UNC13C: variants seen among roughly 807,000 people sequenced by gnomAD.
UNC13C encodes the protein unc-13 homolog C.
Under a neutral mutation model 245.4 loss-of-function variants are expected in UNC13C, and 174 were observed. The observed-to-expected ratio is 0.71, with a 90% CI of 0.63 to 0.80. The LOEUF is 0.80. Among genes scored for constraint, UNC13C ranks in the 30% least tolerant of loss-of-function variants. UNC13C has a pLI of 0.00. For synonymous variants in UNC13C, 992 were observed against 895.1 expected (o/e 1.11, Z -1.93); for missense variants, 2,829 against 2,602.9 (o/e 1.09, Z -1.89).
chr15:54,559,165 T>C (rs1467260094), intron 29 of UNC13C, among the ~76,000 whole-genome samples: 1 of 152,052 alleles, frequency 6.6e-6, no homozygotes, highest in African/African-American at 2.4e-5. Flanking sequence ...AAATCTGCAT[T>C]TCTTGGTATA....
chr15:54,318,811 A>G (rs2038076094), intron 13 of UNC13C, among the ~76,000 whole-genome samples: 1 of 151,850 alleles, frequency 6.6e-6, no homozygotes, highest in Non-Finnish European at 1.5e-5. Context: ...TTTTGAGGTC[A>G]TATCAAAAAA....
At chr15:54,261,417 T>A (rs898498346) in intron 8 of UNC13C, among the ~76,000 whole-genome samples, 1 of 152,220 alleles carries the variant, frequency 6.6e-6, no homozygotes, top group Non-Finnish European at 1.5e-5. Context: ...TACTTGTAAA[T>A]CAGTGACAAA....
At chr15:53,872,679 A>T in the UNC13C span, among the ~76,000 whole-genome samples, 9 of 152,088 alleles carry the variant, frequency 5.9e-5, no homozygotes. Context: ...ATTAATTCTC[A>T]TAGGGGCCTG....
the UNC13C span, among the ~76,000 whole-genome samples, chr15:53,910,010 A>G: frequency 7.4e-6 from 1 of 135,788 alleles, no homozygotes; most frequent in Admixed American, 7.6e-5. Flanking sequence ...TTTTTTTTTT[A>G]ATTTGCCTTG....
intron 2 of UNC13C, among the ~76,000 whole-genome samples, chr15:54,076,562 T>G (rs1406571861): frequency 6.6e-6 from 1 of 152,162 alleles, no homozygotes; most frequent in African/African-American, 2.4e-5. Flanking sequence ...TTTTTTAAAG[T>G]GTTTACAGTT....
At chr15:54,539,116 G>A (rs1896126789) in intron 26 of UNC13C, among the ~76,000 whole-genome samples, 1 of 151,958 alleles carries the variant, frequency 6.6e-6, no homozygotes, top group Admixed American at 6.6e-5. Context: ...TATTTAAATA[G>A]GTAAGGATAA....
Position 54,627,500 on chromosome 15 carries a change from T to TTTAC in UNC13C, c.*392_*395dup, listed in dbSNP as rs1271170087. 27 of 160,706 alleles carry TTTAC rather than the reference T, an allele frequency of 1.7e-4. No individual in the cohort carries two copies. The East Asian group carries it at 2.0e-3, about 12-fold the overall frequency. 10.0% of individuals were successfully genotyped at this position (160,706 alleles called of 1,614,324 possible). ...CATTTATTACTCAATTTCCATTTTA[T>TTTAC]TTACTTACCTCATTATAGATGTCTT... On this transcript the variant is annotated 3_prime_UTR_variant, in exon 33 of 33. Coordinates refer to ENST00000260323, the MANE Select transcript of UNC13C (RefSeq NM_001080534.3).
Position 54,094,105 on chromosome 15 carries a change from C to A in UNC13C, c.2984-48913C>A, listed in dbSNP as rs1160786013. Among the ~76,000 whole-genome samples, 6 of 152,130 alleles carry A rather than the reference C, an allele frequency of 3.9e-5. No individual in the cohort carries two copies. The East Asian group carries it at 1.2e-3, about 29-fold the overall frequency. Reference sequence around the variant, plus strand: ...CTGAGTGGAGGCAGCAATGCAAAGGCAGACCTGTTTCTTGGTGACATGGAG... The same window carrying A: ...CTGAGTGGAGGCAGCAATGCAAAGGAAGACCTGTTTCTTGGTGACATGGAG... On this transcript the variant is annotated intron_variant, in intron 2 of 32. Coordinates refer to ENST00000260323, the MANE Select transcript of UNC13C (RefSeq NM_001080534.3).
chr15:54,341,285 ATGAAATAATG>A (rs975139682), intron 17 of UNC13C, among the ~76,000 whole-genome samples: 1 of 152,216 alleles, frequency 6.6e-6, no homozygotes, highest in Non-Finnish European at 1.5e-5. Flanking sequence ...ATCAAAAAGA[ATGAAATAATG>A]TCCTTTGCAG....
At chr15:54,075,416 G>A (rs573797101) in intron 2 of UNC13C, among the ~76,000 whole-genome samples, 32 of 78,364 alleles carry the variant, frequency 4.1e-4, no homozygotes, top group Admixed American at 3.3e-3. Context: ...ACCTGAAGGC[G>A]GAGCTTGCAG....
rs754974038 is a variant in UNC13C, at chr15:54,250,236, C to T, written c.3240C>T (p.Val1080=). 1.9e-6 allele frequency: 3 copies of T among 1,613,800 alleles called. No individual in the cohort carries two copies. The highest frequency in any genetic ancestry group is 2.7e-5 in the African/African-American group (2 of 74,898). ...TCTCATGTTCACAGAAAATGCACGT[C>T]TTCAAGAAGACCTTGCAGGCACTGA... ...SLNNEELKMH[V]FKKTLQALIY... The change falls in exon 8 of 33, where the codon GTC becomes GTT. Residue 1080 remains valine, a synonymous_variant. Coordinates refer to ENST00000260323, the MANE Select transcript of UNC13C (RefSeq NM_001080534.3).
At chr15:54,555,315 C>T in intron 28 of UNC13C, 117 bp from the exon 29 acceptor site, 1 of 729,688 alleles carries the variant, frequency 1.4e-6, no homozygotes. Flanking sequence ...CATTCAGGTG[C>T]AGAAGATATT....
chr15:54,357,870 G>A lies in UNC13C; in HGVS notation c.4713+19381G>A, dbSNP rs557801871. 6.6e-5 allele frequency among the ~76,000 whole-genome samples: 10 copies of A among 151,974 alleles called. No homozygotes were observed. The South Asian group carries it at 2.1e-3, about 32-fold the overall frequency. ...CACATATATGTGTGTGTGTATTTATGTAAACCATTATTTTATATGTGTTTG... is the reference window on the plus strand; with the variant it reads ...CACATATATGTGTGTGTGTATTTATATAAACCATTATTTTATATGTGTTTG... On this transcript the variant is annotated intron_variant, in intron 17 of 32. Transcript: ENST00000260323.
At chr15:53,960,544 C>T in the UNC13C span, among the ~76,000 whole-genome samples, 1 of 151,802 alleles carries the variant, frequency 6.6e-6, no homozygotes, top group African/African-American at 2.4e-5. Context: ...TGAATTATGA[C>T]AAAAATAAAA....
In UNC13C at chr15:54,384,555, C is replaced by G. The variant is rs536325330; in HGVS notation, c.4714-8493C>G. On this transcript the variant is annotated intron_variant, in intron 17 of 32. Transcript: ENST00000260323. Reference sequence around the variant, plus strand: ...AAATTATAAAACTACTAGAAGAAAACAGAGGGAAAATTCTTCAGGATATTG... The same window carrying G: ...AAATTATAAAACTACTAGAAGAAAAGAGAGGGAAAATTCTTCAGGATATTG... Among the ~76,000 whole-genome samples the G allele has an allele frequency of 1.1e-4, 16 of 152,082 alleles. No individual in the cohort carries two copies. The East Asian group carries it at 3.1e-3, about 29-fold the overall frequency.
chr15:53,858,506 C>T, the UNC13C span, among the ~76,000 whole-genome samples: 1 of 151,804 alleles, frequency 6.6e-6, no homozygotes, highest in African/African-American at 2.4e-5. Context: ...TTGCAACCTC[C>T]ACCTACCGGG....
At chr15:54,459,957 A>C (rs1891747231) in intron 19 of UNC13C, among the ~76,000 whole-genome samples, 2 of 152,114 alleles carry the variant, frequency 1.3e-5, no homozygotes, top group South Asian at 2.1e-4. Context: ...ATATTTTCTG[A>C]GTGTTATAGA....
the UNC13C span, among the ~76,000 whole-genome samples, chr15:53,877,205 A>G: frequency 2.9e-4 from 44 of 152,230 alleles, no homozygotes; most frequent in East Asian, 7.3e-3. Context: ...TAATTACTCA[A>G]TTTGATTAGC....
chr15:54,145,671 A>G (rs1225393812), intron 4 of UNC13C, among the ~76,000 whole-genome samples: 2 of 152,206 alleles, frequency 1.3e-5, no homozygotes, highest in African/African-American at 4.8e-5. Context: ...AATTAAGTTG[A>G]ATTCTAAGTT....
Sources: allele counts gnomAD v4.1 joint callset (sites outside exome capture counted in the v4.1 genomes callset), GRCh38; gene constraint gnomAD v4.1.1; transcripts MANE v1.5; gene names NCBI Gene and HGNC (gene_info 2026-07-23, HGNC 2026-07-21).